The following SPEF2 variants were observed in gnomAD, a reference collection of about 807,000 sequenced individuals.
SPEF2 encodes the protein sperm flagellar and cilia associated 2.
Under a neutral mutation model 224.6 loss-of-function variants are expected in SPEF2, and 187 were observed. The ratio of observed to expected loss-of-function variants is 0.83; its 90% CI spans 0.74 to 0.94. SPEF2 has a LOEUF of 0.94. SPEF2 is among the 40% of genes least tolerant of loss of function. SPEF2 has a pLI of 0.00. For synonymous variants in SPEF2, 715 were observed against 707.3 expected (o/e 1.01, Z -0.17); for missense variants, 2,170 against 2,135.6 (o/e 1.02, Z -0.32).
chr5:35,720,047 G>C (rs547054288), intron 20 of SPEF2, among the ~76,000 whole-genome samples: 1 of 152,178 alleles, frequency 6.6e-6, no homozygotes, highest in African/African-American at 2.4e-5. Context: ...TACCCTTCCA[G>C]TCAAAGCCTA....
At chr5:35,656,269 T>A (rs941759518) in intron 7 of SPEF2, among the ~76,000 whole-genome samples, 1 of 152,184 alleles carries the variant, frequency 6.6e-6, no homozygotes, top group Admixed American at 6.5e-5. Flanking sequence ...ACGTCTGGTC[T>A]GCTTGTTCGC....
At chr5:35,731,153 G>C (rs974863516) in intron 21 of SPEF2, among the ~76,000 whole-genome samples, 2 of 152,064 alleles carry the variant, frequency 1.3e-5, no homozygotes, top group Admixed American at 6.6e-5. Flanking sequence ...AACCCAGCTT[G>C]GGTAACCTGA....
Position 35,649,395 on chromosome 5 carries a change from T to A in SPEF2, c.761T>A (p.Leu254Ter). 3 of 1,612,080 alleles carry A rather than the reference T, an allele frequency of 1.9e-6. No homozygotes were observed. Among genetic ancestry groups the A allele is most frequent in the Non-Finnish European group, 2.5e-6 (3 of 1,179,266 alleles). ...GATGAAATTAAGAAGTTCGAAGCAT[T>A]AATAAAAAAGGATCTCCAAGCAAAA... ...VADEIKKFEALIKKDLQAKES... is the reference protein window; with the variant it reads ...VADEIKKFEA Residue 254 changes from leucine to a stop codon, truncating the protein, a stop_gained, in exon 6 of 37, where the codon TTA becomes TAA. Coordinates refer to ENST00000356031, the MANE Select transcript of SPEF2 (RefSeq NM_024867.4). LOFTEE classifies it high-confidence loss of function.
At chr5:35,727,925 G>A (rs1422735685) in intron 21 of SPEF2, 102 bp downstream of exon 21, 1 of 1,228,934 alleles carries the variant, frequency 8.1e-7, no homozygotes, top group East Asian at 2.4e-5. Context: ...TTTACAGCAG[G>A]TAATATATAT....
At chr5:35,718,721 C>A (rs1266754254) in intron 20 of SPEF2, among the ~76,000 whole-genome samples, 1 of 152,166 alleles carries the variant, frequency 6.6e-6, no homozygotes, top group African/African-American at 2.4e-5. Context: ...CTAACGTGAC[C>A]TTTATCCATG....
chr5:35,665,458 C>T (rs904706946), intron 8 of SPEF2, among the ~76,000 whole-genome samples: 51 of 151,142 alleles, frequency 3.4e-4, no homozygotes, highest in African/African-American at 1.2e-3. Context: ...AGGGAGGGAG[C>T]GAGGAAGGGA....
chr5:35,637,675 T>A (rs138267318), intron 2 of SPEF2, among the ~76,000 whole-genome samples: 1 of 152,292 alleles, frequency 6.6e-6, no homozygotes, highest in Non-Finnish European at 1.5e-5. Flanking sequence ...CAGGGTAACA[T>A]CCTAACCCAT....
intron 21 of SPEF2, among the ~76,000 whole-genome samples, chr5:35,732,541 G>A (rs7719771): frequency 0.038 from 5,721 of 152,182 alleles, 286 homozygotes; most frequent in African/African-American, 0.11. Flanking sequence ...CTTAAGGTAC[G>A]GTTAGACATA....
At chr5:35,628,605 G>A in intron 2 of SPEF2, 43 bp downstream of exon 2, 1 of 1,410,618 alleles carries the variant, frequency 7.1e-7, no homozygotes, top group Non-Finnish European at 1.0e-6. Context: ...TTGTTTATTT[G>A]TTTTGAGACA....
chr5:35,712,146 C>A (rs1741272221), intron 19 of SPEF2, among the ~76,000 whole-genome samples: 1 of 152,036 alleles, frequency 6.6e-6, no homozygotes, highest in African/African-American at 2.4e-5. Context: ...ACAAGGCAAC[C>A]AAGAGTGTGA....
chr5:35,808,366 A>G (rs1758312843), intron 36 of SPEF2: 1 of 165,496 alleles, frequency 6.0e-6, no homozygotes, highest in South Asian at 2.0e-4. Context: ...CGTCATTTAC[A>G]TTAGGTATAT....
intron 21 of SPEF2, among the ~76,000 whole-genome samples, chr5:35,736,711 C>T (rs574080167): frequency 6.6e-6 from 1 of 152,244 alleles, no homozygotes; most frequent in East Asian, 1.9e-4. Context: ...CTAATGATTT[C>T]CCATCAAGAG....
chr5:35,687,716 C>A (rs1753848811), intron 10 of SPEF2, among the ~76,000 whole-genome samples: 1 of 152,146 alleles, frequency 6.6e-6, no homozygotes, highest in South Asian at 2.1e-4. Context: ...GGAAATGACA[C>A]TAGCACTTTT....
rs773101669 is a variant in SPEF2 at position 35,691,251 on chromosome 5, A to G, written c.1739A>G (p.Gln580Arg). 2 of 1,613,160 alleles carry G rather than the reference A, an allele frequency of 1.2e-6. No individual in the cohort carries two copies. Among genetic ancestry groups the G allele is most frequent in the Non-Finnish European group, 1.7e-6 (2 of 1,179,412 alleles). The change falls in exon 11 of 37, where the codon CAA (glutamine) becomes CGA (arginine). Residue 580 changes from glutamine to arginine, a missense_variant. Physicochemically the swap from Gln to Arg is conservative, Grantham distance 43. Transcript: ENST00000356031. ...SGKTTILRSL[Q>R]KDFPIQILSI... ...AAAACTACCATTTTAAGGTCTCTACAAAAAGGTAGAATTTCTTCTCCTACT... is the reference window on the plus strand; with the variant it reads ...AAAACTACCATTTTAAGGTCTCTACGAAAAGGTAGAATTTCTTCTCCTACT...
At chr5:35,684,506 C>A (rs139137140) in intron 10 of SPEF2, among the ~76,000 whole-genome samples, 1 of 152,182 alleles carries the variant, frequency 6.6e-6, no homozygotes, top group African/African-American at 2.4e-5. Context: ...GAGGTCTATT[C>A]GGATTTTTTG....
intron 20 of SPEF2, among the ~76,000 whole-genome samples, chr5:35,724,383 A>C (rs923883442): frequency 1.3e-5 from 2 of 152,204 alleles, no homozygotes; most frequent in African/African-American, 4.8e-5. Flanking sequence ...GAAGTTTAAA[A>C]AATTTTACCA....
intron 10 of SPEF2, among the ~76,000 whole-genome samples, chr5:35,679,247 A>G (rs1366761230): frequency 1.3e-5 from 2 of 152,172 alleles, no homozygotes; most frequent in African/African-American, 4.8e-5. Flanking sequence ...GTCAGCCAGG[A>G]GATACAGTGC....
At chr5:35,792,484 C>A in intron 31 of SPEF2, 38 bp downstream of exon 31, 1 of 1,556,598 alleles carries the variant, frequency 6.4e-7, no homozygotes, top group Non-Finnish European at 8.8e-7. Flanking sequence ...AAGCTTTAAG[C>A]ATTCTTATTT....
intron 14 of SPEF2, 63 bp from the exon 15 acceptor site, chr5:35,697,627 C>A: frequency 7.4e-7 from 1 of 1,355,800 alleles, no homozygotes; most frequent in Non-Finnish European, 1.0e-6. Context: ...ACTTTTCCTC[C>A]AAATGTTTGG....
Sources: allele counts gnomAD v4.1 joint callset (sites outside exome capture counted in the v4.1 genomes callset), GRCh38; gene constraint gnomAD v4.1.1; transcripts MANE v1.5; gene names NCBI Gene and HGNC (gene_info 2026-07-23, HGNC 2026-07-21).